Variants in DCT observed in about 807,000 individuals in gnomAD.
The protein encoded by DCT is dopachrome tautomerase.
A neutral mutation model predicts 53.0 loss-of-function variants in DCT; 47 were observed. That is an observed-to-expected ratio of 0.89 (90% CI 0.70 to 1.13). The LOEUF is 1.13. Among genes scored for constraint, DCT ranks in the 50% most tolerant of loss-of-function variants. DCT has a pLI of 0.00. For missense variants in DCT, 669 were observed against 637.4 expected (o/e 1.05, Z -0.53); for synonymous variants, 244 against 237.0 (o/e 1.03, Z -0.27).
chr13:94,452,565 T>A, intron 6 of DCT: 1 of 744,198 alleles, frequency 1.3e-6, no homozygotes, highest in South Asian at 1.5e-5. Context: ...TCAAATGCAT[T>A]TTTTTACCCT....
Position 94,479,547 on chromosome 13 carries a change from T to C in DCT, c.-292A>G. Reference sequence around the variant, plus strand: ...TTAATGAGGGTAGCGCTTCTCACCATCTTCCCCCGTTAAGTCAGGCTTTGT... The same window carrying C: ...TTAATGAGGGTAGCGCTTCTCACCACCTTCCCCCGTTAAGTCAGGCTTTGT... On this transcript the variant is annotated 5_prime_UTR_variant, in exon 1 of 8. The change abolishes an upstream ATG in the 5' untranslated region. Coordinates refer to ENST00000377028, the MANE Select transcript of DCT (RefSeq NM_001922.5). The C allele has an allele frequency of 1.0e-5, 3 of 299,120 alleles. No homozygotes were observed. The highest frequency in any genetic ancestry group is 4.6e-5 in the Admixed American group (1 of 21,802). 18.5% of individuals were successfully genotyped at this position (299,120 alleles called of 1,614,324 possible). A position where few individuals can be genotyped will look rare whatever the true frequency, so the allele number is the denominator to read the frequency against.
the DCT span, among the ~76,000 whole-genome samples, chr13:94,496,548 A>G: frequency 6.6e-6 from 1 of 152,130 alleles, no homozygotes; most frequent in Non-Finnish European, 1.5e-5. Context: ...AAGAACTCAC[A>G]GTGGCATGTA....
chr13:94,460,111 C>T lies in DCT; in HGVS notation c.1159G>A (p.Ala387Thr), dbSNP rs376196399. 43 of 1,613,904 alleles carry T rather than the reference C, an allele frequency of 2.7e-5. No individual in the cohort carries two copies. The highest frequency in any genetic ancestry group is 3.3e-5 in the Admixed American group (2 of 59,964). ...CATACCACAAAAATGGGATCATTGG[C>T]GGCTGAATGTGGCAAAGCGTTTGTC... ...NGTNALPHSAANDPIFVVLHS... is the reference protein window; with the variant it reads ...NGTNALPHSATNDPIFVVLHS... Residue 387 changes from alanine to threonine, a missense_variant, in exon 6 of 8, where the codon GCC becomes ACC. By Grantham distance (58) the Ala-to-Thr change is moderately conservative (BLOSUM62 0). Coordinates refer to ENST00000377028, the MANE Select transcript of DCT (RefSeq NM_001922.5).
chr13:94,450,034 T>G (rs958082344), intron 6 of DCT, among the ~76,000 whole-genome samples: 8 of 152,256 alleles, frequency 5.3e-5, no homozygotes, highest in African/African-American at 1.7e-4. Context: ...ATGGGGCCTT[T>G]GGGAAATAAT....
At chr13:94,457,107 A>G (rs9524498) in intron 6 of DCT, among the ~76,000 whole-genome samples, 23,504 of 152,198 alleles carry the variant, frequency 0.15, 1,916 homozygotes, top group South Asian at 0.21. Flanking sequence ...TTCAGCCTGG[A>G]TGACAGAGAG....
chr13:94,530,412 C>T, the DCT span, among the ~76,000 whole-genome samples: 61,052 of 151,676 alleles, frequency 0.4, 12,962 homozygotes, highest in East Asian at 0.61. Flanking sequence ...CAAACCAAAT[C>T]CAGCAGCCCA....
In DCT at chr13:94,437,730, A is replaced by G. The variant is rs559250500; in HGVS notation, c.*2168T>C. ...TATTCTGTTGGTTTATCCTACCTTA[A>G]TATTTGTTAAAATGCATTCATAATT... On this transcript the variant is annotated 3_prime_UTR_variant, in exon 8 of 8. Coordinates refer to ENST00000377028, the MANE Select transcript of DCT (RefSeq NM_001922.5). 2.6e-5 allele frequency: 4 copies of G among 152,300 alleles called. No homozygotes were observed. Among genetic ancestry groups the G allele is most frequent in the African/African-American group, 7.2e-5 (3 of 41,574 alleles). The allele number at this position is 152,300 out of a possible 1,614,324, so 9.4% of individuals were successfully genotyped here.
the DCT span, among the ~76,000 whole-genome samples, chr13:94,516,303 T>C: frequency 2.0e-5 from 3 of 152,200 alleles, no homozygotes; most frequent in Admixed American, 1.3e-4. Context: ...GGAGGAAAGA[T>C]ACAAATCAGG....
In DCT at chr13:94,438,267, G is replaced by A. The variant is rs974332312; in HGVS notation, c.*1631C>T. The A allele has an allele frequency of 1.2e-5, 2 of 161,424 alleles. No homozygotes were observed. The highest frequency in any genetic ancestry group is 4.8e-5 in the African/African-American group (2 of 41,690). The allele number at this position is 161,424 out of a possible 1,614,324, so 10.0% of individuals were successfully genotyped here. A position where few individuals can be genotyped will look rare whatever the true frequency, so the allele number is the denominator to read the frequency against. Reference sequence around the variant, plus strand: ...TGTATTTTCCATGAATATTGTTAATGGCAGGAACTGAGAGGTATCCATGTG... The same window carrying A: ...TGTATTTTCCATGAATATTGTTAATAGCAGGAACTGAGAGGTATCCATGTG... On this transcript the variant is annotated 3_prime_UTR_variant, in exon 8 of 8. Coordinates refer to ENST00000377028, the MANE Select transcript of DCT (RefSeq NM_001922.5).
At chr13:94,541,133 A>C in the DCT span, among the ~76,000 whole-genome samples, 1 of 152,232 alleles carries the variant, frequency 6.6e-6, no homozygotes, top group African/African-American at 2.4e-5. Flanking sequence ...CCAAAGGCTC[A>C]GAAGAGTAGT....
chr13:94,505,240 C>G, the DCT span, among the ~76,000 whole-genome samples: 1 of 150,890 alleles, frequency 6.6e-6, no homozygotes, highest in Non-Finnish European at 1.5e-5. Context: ...CATTATCTTA[C>G]TAGGTCTTAG....
the DCT span, among the ~76,000 whole-genome samples, chr13:94,494,772 C>A: frequency 6.6e-6 from 1 of 152,134 alleles, no homozygotes; most frequent in Admixed American, 6.5e-5. Flanking sequence ...GATATTTATA[C>A]ATTTAATCTT....
At chr13:94,533,618 C>G in the DCT span, among the ~76,000 whole-genome samples, 1 of 152,110 alleles carries the variant, frequency 6.6e-6, no homozygotes. Context: ...AACCCTGTCT[C>G]TACTAAAAAT....
chr13:94,493,982 T>C, the DCT span, among the ~76,000 whole-genome samples: 1 of 152,232 alleles, frequency 6.6e-6, no homozygotes, highest in African/African-American at 2.4e-5. Flanking sequence ...TCAATTTTTG[T>C]AAAGCTAAAA....
the DCT span, among the ~76,000 whole-genome samples, chr13:94,490,191 T>G: frequency 2.0e-5 from 3 of 152,112 alleles, no homozygotes; most frequent in Non-Finnish European, 4.4e-5. Flanking sequence ...AGTTCATTAC[T>G]TTATCATTGC....
chr13:94,474,121 T>A (rs183045169), intron 1 of DCT, among the ~76,000 whole-genome samples: 96 of 152,332 alleles, frequency 6.3e-4, no homozygotes, highest in Non-Finnish European at 1.2e-3. Context: ...AACCGTGTTA[T>A]CTTACTGGGA....
chr13:94,532,517 T>A, the DCT span, among the ~76,000 whole-genome samples: 1 of 152,206 alleles, frequency 6.6e-6, no homozygotes, highest in Non-Finnish European at 1.5e-5. Flanking sequence ...GCCATCATTC[T>A]CAGCAAACTA....
the DCT span, among the ~76,000 whole-genome samples, chr13:94,507,362 A>T: frequency 6.6e-6 from 1 of 152,194 alleles, no homozygotes; most frequent in Non-Finnish European, 1.5e-5. Flanking sequence ...ATAATAAAAA[A>T]CATCTGGTAT....
intron 3 of DCT, 88 bp downstream of exon 3, chr13:94,466,470 G>C: frequency 1.4e-6 from 1 of 721,884 alleles, no homozygotes; most frequent in Non-Finnish European, 2.2e-6. Context: ...ATCAAGATAA[G>C]TATATCAAAA....
Sources: allele counts gnomAD v4.1 joint callset (sites outside exome capture counted in the v4.1 genomes callset), GRCh38; gene constraint gnomAD v4.1.1; transcripts MANE v1.5; gene names NCBI Gene and HGNC (gene_info 2026-07-23, HGNC 2026-07-21).